Variants in OSBPL10 observed in about 807,000 individuals in gnomAD.
OSBPL10 encodes the protein oxysterol binding protein like 10, also known as oxysterol-binding protein-related protein 10.
In OSBPL10, 49 loss-of-function variants were observed where a neutral mutation model predicts 81.7. The observed-to-expected ratio is 0.60, with a 90% CI of 0.48 to 0.76. The LOEUF is 0.76. OSBPL10 is among the 30% of genes least tolerant of loss of function. The pLI is 0.00. For synonymous variants in OSBPL10, 419 were observed against 383.6 expected, an observed-to-expected ratio of 1.09 and a Z score of -1.08; for missense variants, 923 against 987.8, an observed-to-expected ratio of 0.93 and a Z score of 0.88.
At chr3:31,985,695 A>T (rs775717640), upstream of OSBPL10, among the ~76,000 whole-genome samples, 3 of 152,220 alleles carry the variant, frequency 2.0e-5, no homozygotes, top group Non-Finnish European at 2.9e-5. Flanking sequence ...TCACAACCAG[A>T]TCACTCTCTG....
intron 5 of OSBPL10, among the ~76,000 whole-genome samples, chr3:31,745,842 A>G (rs1697503780): frequency 6.6e-6 from 1 of 152,192 alleles, no homozygotes; most frequent in Admixed American, 6.5e-5. Context: ...CCCACACACA[A>G]TCTACTCTGA....
intron 2 of OSBPL10, chr3:31,990,671 T>G: frequency 6.2e-7 from 1 of 1,614,130 alleles, no homozygotes; most frequent in Non-Finnish European, 8.5e-7. Flanking sequence ...CATCATAGAC[T>G]TCATACTGGA....
At chr3:31,701,269 C>T (rs1348059493) in intron 7 of OSBPL10, among the ~76,000 whole-genome samples, 1 of 152,216 alleles carries the variant, frequency 6.6e-6, no homozygotes, top group African/African-American at 2.4e-5. Context: ...ACCAAGCCAA[C>T]TGCCCTTAGG....
intron 2 of OSBPL10, among the ~76,000 whole-genome samples, chr3:31,988,073 T>C (rs2125517794): frequency 6.6e-6 from 1 of 152,284 alleles, no homozygotes; most frequent in Admixed American, 6.5e-5. Context: ...AATTGCAACA[T>C]TTGCCCAACT....
intron 3 of OSBPL10, among the ~76,000 whole-genome samples, chr3:31,837,668 A>G (rs1355778138): frequency 6.6e-6 from 1 of 151,154 alleles, no homozygotes; most frequent in Non-Finnish European, 1.5e-5. Context: ...AAAAAAATCA[A>G]TGGGTCTCAC....
chr3:31,965,405 A>T (rs1220046402), intron 1 of OSBPL10, among the ~76,000 whole-genome samples: 29 of 105,946 alleles, frequency 2.7e-4, no homozygotes, highest in South Asian at 8.7e-4. Flanking sequence ...ATATAATATA[A>T]AATATATATT....
intron 2 of OSBPL10, among the ~76,000 whole-genome samples, chr3:32,001,803 C>T (rs1699150564): frequency 6.6e-6 from 1 of 151,864 alleles, no homozygotes; most frequent in Admixed American, 6.6e-5. Context: ...AATCAGATAT[C>T]CCCAGAGGGT....
chr3:31,723,744 C>T (rs1182515145), intron 6 of OSBPL10, among the ~76,000 whole-genome samples: 1 of 152,152 alleles, frequency 6.6e-6, no homozygotes, highest in Non-Finnish European at 1.5e-5. Flanking sequence ...AGGCAAAGCC[C>T]AAAGTAAATG....
intron 5 of OSBPL10, among the ~76,000 whole-genome samples, chr3:31,746,683 A>G (rs541086268): frequency 4.0e-4 from 61 of 151,952 alleles, no homozygotes; most frequent in African/African-American, 1.4e-3. Flanking sequence ...CTGTCTCAAA[A>G]AAAAAAAAAA....
intron 3 of OSBPL10, among the ~76,000 whole-genome samples, chr3:31,850,536 C>T (rs116515836): frequency 0.025 from 3,870 of 152,194 alleles, 140 homozygotes; most frequent in African/African-American, 0.085. Context: ...CAGCAAAAAG[C>T]TTCCAACGTG....
chr3:31,868,741 T>G (rs1171201815), intron 3 of OSBPL10, among the ~76,000 whole-genome samples: 2 of 152,228 alleles, frequency 1.3e-5, no homozygotes, highest in South Asian at 2.1e-4. Context: ...AACTAAAATT[T>G]TCTTGTATGA....
chr3:31,704,214 TC>T (rs978099394), intron 6 of OSBPL10: 1 of 152,438 alleles, frequency 6.6e-6, no homozygotes, highest in African/African-American at 2.4e-5. Flanking sequence ...CTGGCTCTCC[TC>T]CCTTTTGCCT....
intron 2 of OSBPL10, among the ~76,000 whole-genome samples, chr3:32,033,725 T>C (rs759629071): frequency 1.3e-5 from 2 of 152,232 alleles, no homozygotes; most frequent in Non-Finnish European, 2.9e-5. Context: ...TTATTGGCTT[T>C]TCTTATTCTT....
intron 8 of OSBPL10, among the ~76,000 whole-genome samples, chr3:31,673,226 A>G (rs763327396): frequency 6.6e-6 from 1 of 152,196 alleles, no homozygotes; most frequent in Non-Finnish European, 1.5e-5. Context: ...TTGGTGTTTC[A>G]ATCCTGATAG....
chr3:31,792,883 TG>T (rs1699066817), intron 4 of OSBPL10, among the ~76,000 whole-genome samples: 1 of 100,986 alleles, frequency 9.9e-6, no homozygotes, highest in Non-Finnish European at 2.5e-5. Context: ...TGTGTGTGTG[TG>T]TGTGTGTGTG....
intron 4 of OSBPL10, among the ~76,000 whole-genome samples, chr3:31,787,510 G>A (rs747840969): frequency 6.6e-6 from 1 of 151,408 alleles, no homozygotes; most frequent in East Asian, 1.9e-4. Context: ...CAGGAGAATC[G>A]CTTGAACCCG....
At chr3:31,747,875 C>T (rs1392618327) in intron 5 of OSBPL10, 35 bp downstream of exon 5, 1 of 1,592,708 alleles carries the variant, frequency 6.3e-7, no homozygotes, top group Non-Finnish European at 8.6e-7. Flanking sequence ...TGTGTGTACT[C>T]ATCCCAAACA....
intron 2 of OSBPL10, among the ~76,000 whole-genome samples, chr3:32,028,927 GACACACACACACACACACACACACAC>G (rs58442955): frequency 1.9e-4 from 20 of 105,732 alleles, no homozygotes; most frequent in African/African-American, 7.4e-4. Flanking sequence ...AGCTAGTCAG[GACACACACACACACACACACACACAC>G]ACACACACAC....
chr3:31,749,301 C>T (rs749381198), intron 4 of OSBPL10, among the ~76,000 whole-genome samples: 10 of 152,142 alleles, frequency 6.6e-5, no homozygotes, highest in Non-Finnish European at 1.0e-4. Flanking sequence ...CTGCTATCGG[C>T]GATTACTTCA....
Sources: gnomAD v4.1 joint callset for allele counts (sites outside exome capture counted in the v4.1 genomes callset) on GRCh38, gnomAD v4.1.1 for gene constraint, MANE v1.5 for transcripts, NCBI Gene and HGNC (gene_info 2026-07-23, HGNC 2026-07-21) for gene names.